The following PPID variants were observed in gnomAD, a reference collection of about 807,000 sequenced individuals.
PPID encodes the protein peptidylprolyl isomerase D, also known as peptidyl-prolyl cis-trans isomerase D.
A neutral mutation model predicts 48.1 loss-of-function variants in PPID; 47 were observed. The ratio of observed to expected loss-of-function variants is 0.98; its 90% CI spans 0.77 to 1.25. The LOEUF is 1.25. Among genes scored for constraint, PPID ranks in the 50% most tolerant of loss-of-function variants. The pLI is 0.00. For synonymous variants in PPID, 163 were observed against 148.8 expected (o/e 1.10, Z -0.69); for missense variants, 429 against 443.5 (o/e 0.97, Z 0.29).
At chr4:158,715,462 T>G (rs1159895679) in intron 5 of PPID, 59 bp from the exon 6 acceptor site, 2 of 1,521,648 alleles carry the variant, frequency 1.3e-6, no homozygotes, top group African/African-American at 2.8e-5. Context: ...TAATGCTAGA[T>G]TCTATCATAT....
chr4:158,714,771 G>C (rs1203467587), intron 6 of PPID, among the ~76,000 whole-genome samples: 1 of 152,186 alleles, frequency 6.6e-6, no homozygotes, highest in Non-Finnish European at 1.5e-5. Context: ...TGTATTTTTA[G>C]TAGAGATGGG....
In PPID at chr4:158,710,829, G is replaced by C. The variant is rs1411312747; in HGVS notation, c.914C>G (p.Ser305Ter). 1 of 1,612,804 alleles carries C rather than the reference G, an allele frequency of 6.2e-7. No homozygotes were observed. Among genetic ancestry groups the C allele is most frequent in the Non-Finnish European group, 8.5e-7 (1 of 1,178,832 alleles). The stretch of plus-strand genomic sequence containing the variant: ...TCTGCGGTACAATGCTTTGGTATTT[G>C]ATGGGTCTAGTTCAAGAGCCTACAA... ...SCLEALELDP[S>*]NTKALYRRAQ... The change falls in exon 8 of 10, where the codon TCA becomes TGA. Residue 305 changes from serine (S) to a stop codon, truncating the protein, a stop_gained. Transcript: ENST00000307720. LOFTEE classifies it high-confidence loss of function.
rs1446410283 is a variant in PPID at position 158,709,700 on chromosome 4, T to C, written c.*36A>G. 2 of 1,447,112 alleles carry C rather than the reference T, an allele frequency of 1.4e-6. No homozygotes were observed. Among genetic ancestry groups the C allele is most frequent in the Non-Finnish European group, 1.9e-6 (2 of 1,038,192 alleles). The allele number at this position is 1,447,112 out of a possible 1,614,324, so 89.6% of individuals were successfully genotyped here. On this transcript the variant is annotated 3_prime_UTR_variant, in exon 10 of 10. Coordinates refer to ENST00000307720, the MANE Select transcript of PPID (RefSeq NM_005038.3). ...CCTTTACATTTTCTTATTGCATTTA[T>C]ACAATCAACACACAATAAGCAAAAC...
intron 2 of PPID, among the ~76,000 whole-genome samples, chr4:158,720,676 A>G (rs1774941998): frequency 6.6e-6 from 1 of 151,570 alleles, no homozygotes; most frequent in African/African-American, 2.4e-5. Context: ...CTTCCCAAGC[A>G]CTCAGGCCCA....
Position 158,715,689 on chromosome 4 carries a change from A to G in PPID, c.523-5T>C. On this transcript the variant is annotated splice_region_variant and splice_polypyrimidine_tract_variant and intron_variant, in intron 4 of 9. Transcript: ENST00000307720. ...ACATTCTGCAATAACGCACAACTGTAAAAATAACCCTAAATTGTAGAAGTG... is the reference window on the plus strand; with the variant it reads ...ACATTCTGCAATAACGCACAACTGTGAAAATAACCCTAAATTGTAGAAGTG... 1 of 1,605,908 alleles carries G rather than the reference A, an allele frequency of 6.2e-7. No homozygotes were observed. Among genetic ancestry groups the G allele is most frequent in the Non-Finnish European group, 8.5e-7 (1 of 1,172,548 alleles).
At chr4:158,722,771 TATAA>T (rs1413175595) in intron 1 of PPID, among the ~76,000 whole-genome samples, 1 of 152,246 alleles carries the variant, frequency 6.6e-6, no homozygotes, top group Non-Finnish European at 1.5e-5. Flanking sequence ...CCCTTTAACG[TATAA>T]ATAACACAGC....
rs73858530 is a variant in PPID, at chr4:158,720,576, A to G, written c.226+767T>C. 3.8e-3 allele frequency among the ~76,000 whole-genome samples: 577 copies of G among 152,330 alleles called. 1 individual carries two copies. The highest frequency in any genetic ancestry group is 0.013 in the African/African-American group (539 of 41,572). ...TTATCACTAAACAAAAGTATGATTC[A>G]TTACAAAGTGTAATAAGCAGTATGA... On this transcript the variant is annotated intron_variant, in intron 2 of 9. Coordinates refer to ENST00000307720, the MANE Select transcript of PPID (RefSeq NM_005038.3).
In PPID at chr4:158,723,266, G is replaced by A. The variant is rs774062745; in HGVS notation, c.23C>T (p.Ala8Val). 6.2e-7 allele frequency: 1 copy of A among 1,614,030 alleles called. No homozygotes were observed. The highest frequency in any genetic ancestry group is 8.5e-7 in the Non-Finnish European group (1 of 1,179,992). Reference sequence around the variant, plus strand: ...AGGGTTACTGGGGTTGGAGGGCTTGGCTTGGGGGGACGGGTGCGACATCTT... The same window carrying A: ...AGGGTTACTGGGGTTGGAGGGCTTGACTTGGGGGGACGGGTGCGACATCTT... MSHPSPQ[A>V]KPSNPSNPRV... Residue 8 changes from alanine to valine, a missense_variant, in exon 1 of 10, where the codon GCC (alanine) becomes GTC (valine). Ala to Val is a moderately conservative substitution (Grantham distance 64). Transcript: ENST00000307720.
Position 158,723,204 on chromosome 4 carries a change from C to T in PPID, c.85G>A (p.Val29Ile), listed in dbSNP as rs746212415. ...FFDVDIGGER[V>I]GRIVLELFAD... ...TCCGCGAGCGTCAGACTCCGCTCAC[C>T]TCGCTCCCCTCCGATGTCCACGTCA... The change falls in exon 1 of 10, where the codon GTT (valine) becomes ATT (isoleucine). Residue 29 changes from valine to isoleucine, a missense_variant and splice_region_variant. By Grantham distance (29) the Val-to-Ile change is conservative. Transcript: ENST00000307720. The T allele has an allele frequency of 6.2e-7, 1 of 1,613,254 alleles. No individual in the cohort carries two copies. The highest frequency in any genetic ancestry group is 8.5e-7 in the Non-Finnish European group (1 of 1,179,574).
At chr4:158,715,839 A>G (rs1479797370) in intron 4 of PPID, among the ~76,000 whole-genome samples, 155 bp from the exon 5 acceptor site, 1 of 152,220 alleles carries the variant, frequency 6.6e-6, no homozygotes, top group Non-Finnish European at 1.5e-5. Flanking sequence ...CATTCCAACT[A>G]ATACGACAAT....
chr4:158,711,912 A>G (rs1473291693), intron 7 of PPID, among the ~76,000 whole-genome samples: 1 of 152,170 alleles, frequency 6.6e-6, no homozygotes, highest in Non-Finnish European at 1.5e-5. Context: ...GGCTGCAGTG[A>G]GCTTTGATTG....
At chr4:158,720,978 T>C (rs921584803) in intron 2 of PPID, among the ~76,000 whole-genome samples, 10 of 152,186 alleles carry the variant, frequency 6.6e-5, no homozygotes, top group Non-Finnish European at 1.3e-4. Context: ...CCTCCCAAAG[T>C]GCTGGGATTA....
chr4:158,715,729 T>C (rs1327477062), intron 4 of PPID, 45 bp from the exon 5 acceptor site: 1 of 1,575,812 alleles, frequency 6.3e-7, no homozygotes, highest in South Asian at 1.1e-5. Context: ...ATCGTAATAA[T>C]GAGAGATAAA....
rs1479501454 is a variant in PPID, at chr4:158,723,214, T to A, written c.75A>T (p.Gly25=). ...NPRVFFDVDI[G]GERVGRIVLE... Reference sequence around the variant, plus strand: ...TCAGACTCCGCTCACCTCGCTCCCCTCCGATGTCCACGTCAAAGAAGACTC... The same window carrying A: ...TCAGACTCCGCTCACCTCGCTCCCCACCGATGTCCACGTCAAAGAAGACTC... The change falls in exon 1 of 10, where the codon GGA becomes GGT. Residue 25 remains glycine, a synonymous_variant. Transcript: ENST00000307720. The A allele has an allele frequency of 6.2e-7, 1 of 1,613,716 alleles. No individual in the cohort carries two copies. Among genetic ancestry groups the A allele is most frequent in the Non-Finnish European group, 8.5e-7 (1 of 1,179,856 alleles).
chr4:158,716,969 C>T (rs375668808), intron 4 of PPID, 43 bp downstream of exon 4: 180 of 1,564,090 alleles, frequency 1.2e-4, no homozygotes, highest in Non-Finnish European at 1.8e-5. Context: ...AAAAAGATAG[C>T]AACTAAGATA....
Position 158,709,804 on chromosome 4 carries a change from T to C in PPID, c.1045A>G (p.Lys349Glu), listed in dbSNP as rs1419346648. The C allele has an allele frequency of 6.2e-6, 10 of 1,610,700 alleles. No individual in the cohort carries two copies. The South Asian group carries it at 6.6e-5, about 11-fold the overall frequency. The change falls in exon 10 of 10, where the codon AAA (lysine) becomes GAA (glutamate). Residue 349 changes from lysine to glutamate, a missense_variant. Transcript: ENST00000307720. ...EDKAIQAELL[K>E]VKQKIKAQKD... ...TGTGCCTTTATCTTTTGTTTGACTT[T>C]CAGCAATTCTGCCTGGATAGCTGTA...
intron 9 of PPID, 91 bp from the exon 10 acceptor site, chr4:158,709,915 G>C: frequency 5.0e-6 from 5 of 994,208 alleles, no homozygotes. Context: ...ACTACCCCTT[G>C]AAAAAACTTC....
rs1774851892 is a variant in PPID, at chr4:158,715,291, T to A, written c.752+6A>T. The A allele has an allele frequency of 6.9e-7, 1 of 1,439,578 alleles. No homozygotes were observed. Among genetic ancestry groups the A allele is most frequent in the African/African-American group, 1.5e-5 (1 of 68,538 alleles). The allele number at this position is 1,439,578 out of a possible 1,614,324, so 89.2% of individuals were successfully genotyped here. A position where few individuals can be genotyped will look rare whatever the true frequency, so the allele number is the denominator to read the frequency against. ...CTTAAAAATAATTTGTTAGAAATAA[T>A]ATTACCTTAAAACTTCTGCATATTT... On this transcript the variant is annotated splice_donor_region_variant and intron_variant, in intron 6 of 9. Transcript: ENST00000307720.
At chr4:158,720,145 T>C (rs1257029667) in intron 2 of PPID, among the ~76,000 whole-genome samples, 1 of 152,204 alleles carries the variant, frequency 6.6e-6, no homozygotes, top group Non-Finnish European at 1.5e-5. Context: ...CACACATTCA[T>C]GTTTGTACAA....
Sources: allele counts gnomAD v4.1 joint callset (sites outside exome capture counted in the v4.1 genomes callset), GRCh38; gene constraint gnomAD v4.1.1; transcripts MANE v1.5; gene names NCBI Gene and HGNC (gene_info 2026-07-23, HGNC 2026-07-21).